Variants in SPAG16 observed in about 807,000 individuals in gnomAD.
The protein encoded by SPAG16 is sperm-associated antigen 16 protein.
A neutral mutation model predicts 80.4 loss-of-function variants in SPAG16; 86 were observed. The ratio of observed to expected loss-of-function variants is 1.07; its 90% CI spans 0.90 to 1.28. SPAG16 has a LOEUF of 1.28. SPAG16 is among the 50% of genes most tolerant of loss of function. The probability of loss-of-function intolerance (pLI) is 0.00; values close to 1 mark genes in which losing one functional copy is unlikely to be tolerated. For synonymous variants in SPAG16, 294 were observed against 265.9 expected (o/e 1.11, Z -1.03); for missense variants, 870 against 765.3 (o/e 1.14, Z -1.61).
intron 15 of SPAG16, among the ~76,000 whole-genome samples, chr2:214,384,649 G>GTACT (rs1201357119): frequency 2.0e-5 from 3 of 152,188 alleles, no homozygotes; most frequent in Non-Finnish European, 4.4e-5. Flanking sequence ...CAATGGGTAT[G>GTACT]TACTTACAAG....
At chr2:213,425,137 C>G (rs1242621610) in intron 9 of SPAG16, among the ~76,000 whole-genome samples, 1 of 150,518 alleles carries the variant, frequency 6.6e-6, no homozygotes, top group African/African-American at 2.5e-5. Context: ...TCCTGGCTAA[C>G]ATGGTGAAAC....
chr2:214,058,169 C>A (rs1023737849), intron 13 of SPAG16, among the ~76,000 whole-genome samples: 6 of 152,128 alleles, frequency 3.9e-5, no homozygotes, highest in Non-Finnish European at 7.4e-5. Flanking sequence ...CATAAGACAC[C>A]TAGCTTTCAC....
chr2:213,814,021 G>A (rs1029802009), intron 10 of SPAG16, among the ~76,000 whole-genome samples: 4 of 152,070 alleles, frequency 2.6e-5, no homozygotes, highest in African/African-American at 7.2e-5. Context: ...CGGAGGTAGG[G>A]AGAGAGAGAG....
intron 10 of SPAG16, among the ~76,000 whole-genome samples, chr2:213,853,123 T>C (rs1265436469): frequency 2.0e-5 from 3 of 152,248 alleles, no homozygotes; most frequent in African/African-American, 4.8e-5. Context: ...TCTTCTGCTG[T>C]GGCAATAATT....
chr2:213,694,572 T>C (rs1428969252), intron 10 of SPAG16, among the ~76,000 whole-genome samples: 2 of 152,196 alleles, frequency 1.3e-5, no homozygotes, highest in Non-Finnish European at 2.9e-5. Flanking sequence ...TTGACTTCCC[T>C]GAATTCCAAA....
chr2:213,962,255 G>A (rs1156817406), intron 12 of SPAG16, among the ~76,000 whole-genome samples: 8 of 150,672 alleles, frequency 5.3e-5, no homozygotes, highest in South Asian at 2.1e-4. Context: ...GTGCAGTGGC[G>A]TGATCTCGGC....
At chr2:213,411,132 A>T (rs2068943299) in intron 9 of SPAG16, among the ~76,000 whole-genome samples, 1 of 152,222 alleles carries the variant, frequency 6.6e-6, no homozygotes. Context: ...CTGGAGTGGC[A>T]CTTGCGCTTT....
chr2:213,482,247 A>C (rs1464752785), intron 9 of SPAG16, among the ~76,000 whole-genome samples: 1 of 152,248 alleles, frequency 6.6e-6, no homozygotes. Flanking sequence ...GGGGTGGCCA[A>C]ACACATGCTG....
chr2:213,836,234 G>A (rs965483533), intron 10 of SPAG16, among the ~76,000 whole-genome samples: 2 of 141,140 alleles, frequency 1.4e-5, no homozygotes, highest in Admixed American at 7.3e-5. Context: ...GATATCAGAT[G>A]TTATAATTAC....
intron 10 of SPAG16, among the ~76,000 whole-genome samples, chr2:213,857,895 A>G (rs1322238114): frequency 6.6e-6 from 1 of 152,210 alleles, no homozygotes; most frequent in Admixed American, 6.5e-5. Context: ...GCAAACTCTC[A>G]TGGATGACTT....
intron 10 of SPAG16, among the ~76,000 whole-genome samples, chr2:213,612,059 A>G (rs997244138): frequency 3.9e-5 from 6 of 152,194 alleles, no homozygotes; most frequent in Non-Finnish European, 8.8e-5. Context: ...ATTGATCTCA[A>G]AACTGCTTGT....
intron 15 of SPAG16, among the ~76,000 whole-genome samples, chr2:214,367,003 C>G (rs1053669404): frequency 1.3e-5 from 2 of 152,126 alleles, no homozygotes; most frequent in African/African-American, 4.8e-5. Flanking sequence ...GCTATATCTA[C>G]TATTGCTCTT....
intron 15 of SPAG16, among the ~76,000 whole-genome samples, chr2:214,283,974 A>C (rs1018059760): frequency 6.6e-6 from 1 of 152,230 alleles, no homozygotes; most frequent in African/African-American, 2.4e-5. Context: ...GGAAGCATTC[A>C]TTAAGATGTC....
chr2:214,179,588 A>G (rs2057244454), intron 15 of SPAG16, among the ~76,000 whole-genome samples: 1 of 151,386 alleles, frequency 6.6e-6, no homozygotes, highest in Non-Finnish European at 1.5e-5. Context: ...GTTGCTTTTT[A>G]GAGAATCAGC....
chr2:213,351,607 A>C (rs536235926), intron 7 of SPAG16, among the ~76,000 whole-genome samples: 4 of 152,178 alleles, frequency 2.6e-5, no homozygotes, highest in Non-Finnish European at 2.9e-5. Flanking sequence ...AACTGCAACT[A>C]TGCTTAACAT....
intron 10 of SPAG16, among the ~76,000 whole-genome samples, chr2:213,663,258 T>C (rs2063488280): frequency 6.6e-6 from 1 of 152,090 alleles, no homozygotes; most frequent in South Asian, 2.1e-4. Context: ...TGACTATGGT[T>C]CCTCTAATTT....
chr2:213,482,331 G>A (rs1006779984), intron 9 of SPAG16, among the ~76,000 whole-genome samples: 2 of 152,156 alleles, frequency 1.3e-5, no homozygotes, highest in African/African-American at 4.8e-5. Context: ...CCACACCTAG[G>A]TACAAGAGGG....
chr2:213,439,981 A>G (rs919218799), intron 9 of SPAG16, among the ~76,000 whole-genome samples: 22 of 152,228 alleles, frequency 1.4e-4, no homozygotes, highest in Non-Finnish European at 2.9e-4. Flanking sequence ...TTTAGAGGAC[A>G]TAAAATTTTA....
chr2:213,450,676 G>T (rs1337882954), intron 9 of SPAG16, among the ~76,000 whole-genome samples: 6 of 151,984 alleles, frequency 3.9e-5, no homozygotes. Flanking sequence ...TTTTATTTAT[G>T]ATTTTTAGCA....
Sources: gnomAD v4.1 joint callset for allele counts (sites outside exome capture counted in the v4.1 genomes callset) on GRCh38, gnomAD v4.1.1 for gene constraint, MANE v1.5 for transcripts, NCBI Gene and HGNC (gene_info 2026-07-23, HGNC 2026-07-21) for gene names.